Variants in ROS1 observed in about 807,000 individuals in gnomAD.
The protein encoded by ROS1 is ROS proto-oncogene 1, receptor tyrosine kinase.
ROS1 carries 263 observed loss-of-function variants against 273.5 expected under a neutral mutation model. The ratio of observed to expected loss-of-function variants is 0.96; its 90% CI spans 0.87 to 1.06. The LOEUF is 1.06. Among genes scored for constraint, ROS1 ranks in the 50% least tolerant of loss-of-function variants. The pLI is 0.00. For missense variants in ROS1, 2,833 were observed against 2,751.1 expected (o/e 1.03, Z -0.67); for synonymous variants, 1,008 against 954.1 (o/e 1.06, Z -1.04).
At chr6:117,414,635 T>G (rs571328130) in intron 3 of ROS1, 90 bp from the exon 4 acceptor site, 2 of 615,284 alleles carry the variant, frequency 3.3e-6, no homozygotes, top group Admixed American at 3.4e-5. Context: ...TCAAATTAAT[T>G]TATTGCCCCA....
At chr6:117,375,516 C>T (rs1216301239) in intron 18 of ROS1, among the ~76,000 whole-genome samples, 1 of 152,136 alleles carries the variant, frequency 6.6e-6, no homozygotes, top group East Asian at 1.9e-4. Context: ...ATCTGTACCC[C>T]AAACCCCCAG....
At chr6:117,334,822 C>A (rs551856676) in intron 32 of ROS1, among the ~76,000 whole-genome samples, 1 of 152,128 alleles carries the variant, frequency 6.6e-6, no homozygotes, top group East Asian at 1.9e-4. Context: ...CATTCCTTAA[C>A]CTTATACAAA....
intron 33 of ROS1, 44 bp from the exon 34 acceptor site, chr6:117,326,458 C>T (rs2128582524): frequency 2.6e-6 from 3 of 1,174,414 alleles, no homozygotes; most frequent in Non-Finnish European, 3.5e-6. Flanking sequence ...GACAATATAC[C>T]TGTTATTTCT....
chr6:117,378,134 C>T (rs895419479), intron 18 of ROS1, among the ~76,000 whole-genome samples: 2 of 152,160 alleles, frequency 1.3e-5, no homozygotes, highest in African/African-American at 2.4e-5. Context: ...AGAATATAAA[C>T]ATCTATCTAC....
Position 117,394,621 on chromosome 6 carries a change from A to G in ROS1, c.1001T>C (p.Ile334Thr), listed in dbSNP as rs753691208. The G allele has an allele frequency of 6.2e-6, 10 of 1,604,224 alleles. No individual in the cohort carries two copies. The highest frequency in any genetic ancestry group is 1.3e-5 in the African/African-American group (1 of 74,686). ...CLRLDAIYHN[I>T]TGISVDVHQQ... ...TTTATCCTTATCATACTGACCTGTA[A>G]TATTATGGTATATAGCATCCAACCG... The change falls in exon 10 of 44, where the codon ATT (isoleucine) becomes ACT (threonine). Residue 334 changes from isoleucine to threonine, a missense_variant. Ile to Thr is a moderately conservative substitution (Grantham distance 89). Coordinates refer to ENST00000368507, the MANE Select transcript of ROS1 (RefSeq NM_001378902.1).
rs10700318 is a variant in ROS1, at chr6:117,300,086, C to CTTTTTTTTTTTTTTTTTTTTTTTTTT, written c.6715+862_6715+887dup. Among the ~76,000 whole-genome samples the CTTTTTTTTTTTTTTTTTTTTTTTTTT allele has an allele frequency of 3.1e-4, 10 of 31,836 alleles. 2 individuals are homozygous for CTTTTTTTTTTTTTTTTTTTTTTTTTT. Among genetic ancestry groups the CTTTTTTTTTTTTTTTTTTTTTTTTTT allele is most frequent in the Non-Finnish European group, 3.2e-4 (6 of 18,802 alleles). The allele number at this position is 31,836 out of a possible 152,430, so 20.9% of individuals were successfully genotyped here. On this transcript the variant is annotated intron_variant, in intron 43 of 43. Transcript: ENST00000368507. The stretch of plus-strand genomic sequence containing the variant: ...TACAGGCGCCCGCCACCAGGACAGG[C>CTTTTTTTTTTTTTTTTTTTTTTTTTT]TTTTTTTTTTTTTTTTTTTTTTTTT...
At chr6:117,372,727 G>A (rs1279703109) in intron 18 of ROS1, among the ~76,000 whole-genome samples, 2 of 152,194 alleles carry the variant, frequency 1.3e-5, no homozygotes, top group African/African-American at 2.4e-5. Flanking sequence ...TGAAGCTGTA[G>A]ACCTTCAGGG....
In ROS1 at chr6:117,393,333, A is replaced by C; in HGVS notation, c.1192-12T>G. On this transcript the variant is annotated splice_polypyrimidine_tract_variant and intron_variant, in intron 11 of 43. Coordinates refer to ENST00000368507, the MANE Select transcript of ROS1 (RefSeq NM_001378902.1). ...TCACAGACACATACCTAAAAAAATA[A>C]AAAATATACCGGTAGGATTAGCATC... 2 of 1,498,234 alleles carry C rather than the reference A, an allele frequency of 1.3e-6. No individual in the cohort carries two copies. The highest frequency in any genetic ancestry group is 1.9e-6 in the Non-Finnish European group (2 of 1,076,384). The allele number at this position is 1,498,234 out of a possible 1,614,324, so 92.8% of individuals were successfully genotyped here.
At chr6:117,398,678 C>CAA (rs58864302) in intron 7 of ROS1, among the ~76,000 whole-genome samples, 24 of 59,392 alleles carry the variant, frequency 4.0e-4, no homozygotes, top group South Asian at 1.6e-3. Flanking sequence ...GACCTTGTCT[C>CAA]AAAAAAAAAA....
intron 21 of ROS1, among the ~76,000 whole-genome samples, chr6:117,363,910 A>T (rs1780003111): frequency 6.6e-6 from 1 of 152,168 alleles, no homozygotes; most frequent in Admixed American, 6.5e-5. Context: ...CTAGTACAGA[A>T]CTGGCATACA....
At chr6:117,311,550 C>T (rs1775550291) in intron 39 of ROS1, among the ~76,000 whole-genome samples, 3 of 152,094 alleles carry the variant, frequency 2.0e-5, no homozygotes, top group Admixed American at 6.6e-5. Context: ...CGATAACAGG[C>T]ACTTAATAAA....
In ROS1 at chr6:117,337,320, G is replaced by C. The variant is rs2128617330; in HGVS notation, c.5082C>G (p.Tyr1694Ter). The change falls in exon 32 of 44, where the codon TAC (tyrosine) becomes TAG (stop). Residue 1694 changes from tyrosine (Y) to a stop codon, truncating the protein, a stop_gained. Transcript: ENST00000368507. LOFTEE classifies it high-confidence loss of function. ...CTTGGCTGCATGAAGTTTTAACATG[G>C]TAAAACTCATTGTATTTCCACTAGA... is the stretch of plus-strand genomic sequence containing the variant. ...ELQKWKYNEF[Y>*]HVKTSCSQGP... is the part of the protein sequence containing the mutation. The C allele has an allele frequency of 6.3e-7, 1 of 1,599,044 alleles. No individual in the cohort carries two copies. The highest frequency in any genetic ancestry group is 8.5e-7 in the Non-Finnish European group (1 of 1,174,964).
chr6:117,375,307 GT>G (rs1781229284), intron 18 of ROS1, among the ~76,000 whole-genome samples: 1 of 152,174 alleles, frequency 6.6e-6, no homozygotes, highest in African/African-American at 2.4e-5. Context: ...TGGGAGGAGG[GT>G]GAGGGATAAA....
chr6:117,362,474 C>A (rs1294495621), intron 22 of ROS1, 129 bp downstream of exon 22: 2 of 767,236 alleles, frequency 2.6e-6, no homozygotes, highest in East Asian at 5.6e-5. Flanking sequence ...TTTTAAAAAA[C>A]TATAGTGGCC....
At chr6:117,316,280 A>ATTTAGG (rs768089048) in intron 39 of ROS1, among the ~76,000 whole-genome samples, 1,866 of 133,656 alleles carry the variant, frequency 0.014, 9 homozygotes, top group South Asian at 0.035. Flanking sequence ...ACTTGGCGGT[A>ATTTAGG]AATACCACAA....
At chr6:117,422,499 T>C (rs188381264) in intron 1 of ROS1, among the ~76,000 whole-genome samples, 4 of 152,322 alleles carry the variant, frequency 2.6e-5, no homozygotes, top group Admixed American at 2.0e-4. Flanking sequence ...TTTATTCCTG[T>C]AGCAATAAAA....
intron 1 of ROS1, among the ~76,000 whole-genome samples, chr6:117,423,930 ATTGGCAGACCGTGTC>A: frequency 6.6e-6 from 1 of 152,118 alleles, no homozygotes. Context: ...CACTGGTCAA[ATTGGCAGACCGTGTC>A]TCTCTTGCTG....
In ROS1 at chr6:117,365,935, C is replaced by T. The variant is rs114704631; in HGVS notation, c.2797+141G>A. ...TGTAAATTTGGGTTAAGATTAAACT[C>T]ACTGCAAGCAAACCAATTGAAATTA... On this transcript the variant is annotated intron_variant, in intron 19 of 43. Transcript: ENST00000368507. 1,328 of 856,622 alleles carry T rather than the reference C, an allele frequency of 1.6e-3. 15 individuals carry two copies. The African/African-American group carries it at 0.021, about 13-fold the overall frequency. The allele number at this position is 856,622 out of a possible 1,614,324, so 53.1% of individuals were successfully genotyped here. A position where few individuals can be genotyped will look rare whatever the true frequency, so the allele number is the denominator to read the frequency against.
chr6:117,414,619 A>G, intron 3 of ROS1, 74 bp from the exon 4 acceptor site: 1 of 649,636 alleles, frequency 1.5e-6, no homozygotes, highest in Non-Finnish European at 2.7e-6. Flanking sequence ...GAGCTGTACA[A>G]TCATTTCAAA....
Sources: gnomAD v4.1 joint callset for allele counts (sites outside exome capture counted in the v4.1 genomes callset) on GRCh38, gnomAD v4.1.1 for gene constraint, MANE v1.5 for transcripts, NCBI Gene and HGNC (gene_info 2026-07-23, HGNC 2026-07-21) for gene names.